The following LPA variants were observed in gnomAD, a reference collection of about 807,000 sequenced individuals.
LPA encodes lipoprotein(a), also known as apolipoprotein(a).
A neutral mutation model predicts 197.9 loss-of-function variants in LPA; 199 were observed. That is an observed-to-expected ratio of 1.01 (90% confidence interval 0.90 to 1.13). The LOEUF is 1.13. Ranked by LOEUF, LPA falls within the 50% of genes most tolerant of loss-of-function variation. LPA has a pLI of 0.00. For synonymous variants in LPA, 715 were observed against 639.5 expected, an observed-to-expected ratio of 1.12 and a Z score of -1.78; for missense variants, 1,853 against 1,785.8, an observed-to-expected ratio of 1.04 and a Z score of -0.68.
At chr6:160,541,007 G>A (rs560495983) in intron 35 of LPA, 100 bp downstream of exon 35, 2 of 968,656 alleles carry the variant, frequency 2.1e-6, no homozygotes, top group South Asian at 2.7e-5. Flanking sequence ...GAGGTGGGGA[G>A]GAAGGAAGGG....
At chr6:160,545,339 G>A (rs1778048588) in intron 33 of LPA, 101 bp downstream of exon 33, 1 of 855,542 alleles carries the variant, frequency 1.2e-6, no homozygotes, top group Non-Finnish European at 1.9e-6. Flanking sequence ...CTCCTCCCCA[G>A]AAGCACTCAG....
At chr6:160,611,256 C>G (rs186714956) in intron 16 of LPA, among the ~76,000 whole-genome samples, 6 of 152,204 alleles carry the variant, frequency 3.9e-5, no homozygotes, top group Admixed American at 6.5e-5. Flanking sequence ...TCTTCATTGA[C>G]GCTTAGTGGG....
chr6:160,560,163 C>T (rs889531236), intron 28 of LPA, among the ~76,000 whole-genome samples: 5 of 152,200 alleles, frequency 3.3e-5, no homozygotes, highest in African/African-American at 1.2e-4. Flanking sequence ...TGTATATGTG[C>T]CACATTTTCT....
intron 28 of LPA, among the ~76,000 whole-genome samples, chr6:160,570,383 G>A (rs552195315): frequency 1.1e-3 from 161 of 152,204 alleles, no homozygotes; most frequent in African/African-American, 3.7e-3. Flanking sequence ...ACTATCACAA[G>A]GACAGAAATC....
intron 2 of LPA, among the ~76,000 whole-genome samples, chr6:160,647,663 G>C (rs1779923141): frequency 6.6e-6 from 1 of 152,012 alleles, no homozygotes; most frequent in Non-Finnish European, 1.5e-5. Flanking sequence ...ATATCCCTTT[G>C]AACCCACACA....
chr6:160,572,639 C>T (rs1056572893), intron 28 of LPA, among the ~76,000 whole-genome samples: 58 of 152,232 alleles, frequency 3.8e-4, no homozygotes, highest in African/African-American at 1.2e-3. Context: ...TGTCCAAAAA[C>T]GACTGTATCT....
chr6:160,545,180 C>CT (rs1479820545), intron 33 of LPA, among the ~76,000 whole-genome samples: 1 of 151,828 alleles, frequency 6.6e-6, no homozygotes, highest in Admixed American at 6.6e-5. Context: ...TAGATCACCT[C>CT]TAAGTTTGCC....
chr6:160,566,205 G>A (rs1778451538), intron 28 of LPA, among the ~76,000 whole-genome samples: 1 of 152,168 alleles, frequency 6.6e-6, no homozygotes, highest in African/African-American at 2.4e-5. Context: ...TCCTCGAGAA[G>A]AGTAACTCCA....
At chr6:160,611,469 G>T (rs922313310) in intron 16 of LPA, 93 bp downstream of exon 16, 4 of 1,558,112 alleles carry the variant, frequency 2.6e-6, no homozygotes, top group Non-Finnish European at 3.5e-6. Context: ...TCTGACACAA[G>T]TTGAGTTCGG....
chr6:160,602,152 C>A (rs953002592), intron 18 of LPA, among the ~76,000 whole-genome samples: 16 of 152,182 alleles, frequency 1.1e-4, no homozygotes, highest in African/African-American at 2.2e-4. Flanking sequence ...AAGCCCAGAC[C>A]CTCCATTCCA....
chr6:160,583,705 T>A (rs185184637), intron 26 of LPA, among the ~76,000 whole-genome samples: 5 of 152,134 alleles, frequency 3.3e-5, no homozygotes, highest in Non-Finnish European at 7.3e-5. Flanking sequence ...CTGGAGCTCC[T>A]TTTCTCCACA....
rs377719139 is a variant in LPA at position 160,649,582 on chromosome 6, G to A, written c.209+756C>T. The stretch of plus-strand genomic sequence containing the variant: ...CCTTCAGTGCAGGAAGGGTCTCCAG[G>A]AAGAAAACCAGTGCATCTGTTGAGT... On this transcript the variant is annotated intron_variant, in intron 2 of 38. Transcript: ENST00000316300. 1.1e-4 allele frequency among the ~76,000 whole-genome samples: 16 copies of A among 152,220 alleles called. No homozygotes were observed. The South Asian group carries it at 3.1e-3, about 30-fold the overall frequency.
chr6:160,593,693 C>T (rs747134211), intron 22 of LPA, among the ~76,000 whole-genome samples: 1 of 152,150 alleles, frequency 6.6e-6, no homozygotes, highest in Non-Finnish European at 1.5e-5. Flanking sequence ...TTTCTAAGCA[C>T]GTGGCCATGT....
intron 24 of LPA, among the ~76,000 whole-genome samples, chr6:160,587,466 C>T (rs1467899719): frequency 6.6e-6 from 1 of 152,100 alleles, no homozygotes; most frequent in Non-Finnish European, 1.5e-5. Flanking sequence ...ATAGGAACCC[C>T]CTTTTTTTCT....
In LPA at chr6:160,531,546, G is replaced by T; in HGVS notation, c.*183C>A. 1 of 691,476 alleles carries T rather than the reference G, an allele frequency of 1.4e-6. No homozygotes were observed. The highest frequency in any genetic ancestry group is 1.8e-5 in the South Asian group (1 of 55,942). The allele number at this position is 691,476 out of a possible 1,614,324, so 42.8% of individuals were successfully genotyped here. ...GTCATAGCTATGACACCTTAATACA[G>T]AATTTGTCAGTCAGACCTTAAAAGC... is the stretch of plus-strand genomic sequence containing the variant. On this transcript the variant is annotated 3_prime_UTR_variant, in exon 39 of 39. Transcript: ENST00000316300.
At chr6:160,605,381 C>T (rs374518084) in intron 17 of LPA, among the ~76,000 whole-genome samples, 176 bp from the exon 18 acceptor site, 5 of 152,268 alleles carry the variant, frequency 3.3e-5, no homozygotes, top group Admixed American at 6.5e-5. Flanking sequence ...AAAGCAACAA[C>T]CAACCAACAA....
intron 28 of LPA, among the ~76,000 whole-genome samples, chr6:160,558,080 T>G (rs368425688): frequency 6.6e-6 from 1 of 152,006 alleles, no homozygotes; most frequent in Non-Finnish European, 1.5e-5. Context: ...CCACCACGCC[T>G]GGCTAATTTT....
At chr6:160,568,784 CA>C (rs1470946923) in intron 28 of LPA, among the ~76,000 whole-genome samples, 1 of 152,208 alleles carries the variant, frequency 6.6e-6, no homozygotes, top group African/African-American at 2.4e-5. Flanking sequence ...GCAACTTCAG[CA>C]AAGTCTCAAG....
intron 23 of LPA, among the ~76,000 whole-genome samples, chr6:160,590,468 G>A (rs1779004752): frequency 6.6e-6 from 1 of 152,108 alleles, no homozygotes; most frequent in African/African-American, 2.4e-5. Flanking sequence ...CTGTTACCTA[G>A]ACCCAGGAGG....
Sources: gnomAD v4.1 joint callset for allele counts (sites outside exome capture counted in the v4.1 genomes callset) on GRCh38, gnomAD v4.1.1 for gene constraint, MANE v1.5 for transcripts, NCBI Gene and HGNC (gene_info 2026-07-23, HGNC 2026-07-21) for gene names.